GPR39: variants seen among roughly 807,000 people sequenced by gnomAD.
GPR39 encodes G protein-coupled receptor 39, also known as zinc sensing receptor.
GPR39 carries 23 observed loss-of-function variants against 18.4 expected under a neutral mutation model. The ratio of observed to expected loss-of-function variants is 1.25; its 90% CI spans 0.90 to 1.77. GPR39 has a LOEUF of 1.77. Ranked by LOEUF, GPR39 falls within the 40% of genes most tolerant of loss-of-function variation. GPR39 has a pLI of 0.00. For missense variants in GPR39, 647 were observed against 602.4 expected (o/e 1.07, Z -0.78); for synonymous variants, 280 against 257.9 (o/e 1.09, Z -0.82).
At chr2:132,569,819 A>C (rs531698074) in intron 1 of GPR39, among the ~76,000 whole-genome samples, 1 of 152,244 alleles carries the variant, frequency 6.6e-6, no homozygotes, top group African/African-American at 2.4e-5. Context: ...AGAGTGAATA[A>C]ATTTCATGAG....
At chr2:132,593,665 G>T (rs76521357) in intron 1 of GPR39, among the ~76,000 whole-genome samples, 1 of 152,130 alleles carries the variant, frequency 6.6e-6, no homozygotes, top group Non-Finnish European at 1.5e-5. Flanking sequence ...GGGGAGCCTG[G>T]GAGTGTATTT....
intron 1 of GPR39, among the ~76,000 whole-genome samples, chr2:132,511,210 A>G (rs1013314665): frequency 6.6e-6 from 1 of 152,214 alleles, no homozygotes; most frequent in African/African-American, 2.4e-5. Flanking sequence ...GCATTTTCAT[A>G]TAGATTCAGT....
At chr2:132,505,685 G>C (rs777062536) in intron 1 of GPR39, among the ~76,000 whole-genome samples, 1 of 152,052 alleles carries the variant, frequency 6.6e-6, no homozygotes, top group African/African-American at 2.4e-5. Flanking sequence ...ATTTCACTTA[G>C]TATAATGAAC....
intron 1 of GPR39, among the ~76,000 whole-genome samples, chr2:132,532,178 A>G (rs984051075): frequency 6.6e-6 from 1 of 152,266 alleles, no homozygotes; most frequent in Non-Finnish European, 1.5e-5. Context: ...CACCAATCCC[A>G]CAGAAATACA....
chr2:132,433,005 T>C (rs2104760050), intron 1 of GPR39, among the ~76,000 whole-genome samples: 1 of 152,318 alleles, frequency 6.6e-6, no homozygotes, highest in African/African-American at 2.4e-5. Context: ...CATGATTTTT[T>C]CCCAATAAAC....
chr2:132,435,102 GAAAGT>G lies in GPR39; in HGVS notation c.856+17209_856+17213del, dbSNP rs1680288485. Among the ~76,000 whole-genome samples the G allele has an allele frequency of 2.0e-5, 3 of 152,242 alleles. No homozygotes were observed. In the South Asian group the frequency reaches 6.2e-4, roughly 32 times the overall value. ...ATTCTATGATACAGACACAGACACT[GAAAGT>G]AAAGCAAACGGTGAAAGAAGGGCTG... is the stretch of plus-strand genomic sequence containing the variant. On this transcript the variant is annotated intron_variant, in intron 1 of 1. Coordinates refer to ENST00000329321, the MANE Select transcript of GPR39 (RefSeq NM_001508.3).
intron 1 of GPR39, among the ~76,000 whole-genome samples, chr2:132,472,880 C>G (rs1382500581): frequency 6.6e-6 from 1 of 151,958 alleles, no homozygotes; most frequent in African/African-American, 2.4e-5. Context: ...CACAAGGGAG[C>G]TATTTTTTCA....
At chr2:132,460,288 G>GT (rs1201650834) in intron 1 of GPR39, among the ~76,000 whole-genome samples, 4 of 152,084 alleles carry the variant, frequency 2.6e-5, no homozygotes, top group Non-Finnish European at 5.9e-5. Flanking sequence ...TTCCTGAATG[G>GT]CTGTACCATT....
chr2:132,593,181 C>T (rs976884357), intron 1 of GPR39, among the ~76,000 whole-genome samples: 1 of 152,140 alleles, frequency 6.6e-6, no homozygotes, highest in African/African-American at 2.4e-5. Context: ...CTCCAAGGGT[C>T]GTGGCAACTG....
intron 1 of GPR39, among the ~76,000 whole-genome samples, chr2:132,607,249 C>T (rs373898195): frequency 6.6e-6 from 1 of 152,140 alleles, no homozygotes; most frequent in South Asian, 2.1e-4. Context: ...AAAAGTAATT[C>T]TAGCTTGTCC....
chr2:132,568,503 C>T (rs1251819480), intron 1 of GPR39, among the ~76,000 whole-genome samples: 4 of 151,946 alleles, frequency 2.6e-5, no homozygotes, highest in African/African-American at 7.3e-5. Flanking sequence ...GCCAGGAATT[C>T]GAAACCAGCC....
At chr2:132,552,794 A>ATGTG (rs1306614276) in intron 1 of GPR39, among the ~76,000 whole-genome samples, 1,258 of 108,178 alleles carry the variant, frequency 0.012, 19 homozygotes, top group African/African-American at 0.047. Context: ...CAATGTGTAT[A>ATGTG]TATGTGTGTG....
At chr2:132,456,768 G>A (rs1265840430) in intron 1 of GPR39, among the ~76,000 whole-genome samples, 2 of 152,112 alleles carry the variant, frequency 1.3e-5, no homozygotes, top group African/African-American at 2.4e-5. Flanking sequence ...GAAATTCTGG[G>A]TTGAAAATTC....
At position 132,416,895 on chromosome 2, in the gene GPR39, T is replaced by C; in HGVS notation, c.-148T>C. On this transcript the variant is annotated 5_prime_UTR_variant, in exon 1 of 2. Coordinates refer to ENST00000329321, the MANE Select transcript of GPR39 (RefSeq NM_001508.3). ...CAAGTTTCCATGAAAGCACCTGAAA[T>C]ACTAAGTTACCTTCGCGAGGAGAAC... 9.4e-7 allele frequency: 1 copy of C among 1,065,060 alleles called. No homozygotes were observed. Among genetic ancestry groups the C allele is most frequent in the Non-Finnish European group, 1.3e-6 (1 of 746,606 alleles). 66.0% of individuals were successfully genotyped at this position (1,065,060 alleles called of 1,614,324 possible).
At chr2:132,467,718 C>T (rs1377159100) in intron 1 of GPR39, among the ~76,000 whole-genome samples, 2 of 152,170 alleles carry the variant, frequency 1.3e-5, no homozygotes, top group Non-Finnish European at 2.9e-5. Context: ...TACTTTTACC[C>T]TAAGCTGTAT....
At chr2:132,474,360 T>C (rs140526900) in intron 1 of GPR39, among the ~76,000 whole-genome samples, 87 of 152,268 alleles carry the variant, frequency 5.7e-4, no homozygotes, top group African/African-American at 1.9e-3. Context: ...TTAGCACAGC[T>C]TGAGTAGGGG....
intron 1 of GPR39, among the ~76,000 whole-genome samples, chr2:132,499,915 T>G (rs964632074): frequency 6.6e-6 from 1 of 152,212 alleles, no homozygotes; most frequent in Non-Finnish European, 1.5e-5. Context: ...GAGCTACTGA[T>G]TTGTGTACAT....
intron 1 of GPR39, among the ~76,000 whole-genome samples, chr2:132,430,592 A>C (rs1349289502): frequency 6.6e-6 from 1 of 152,172 alleles, no homozygotes; most frequent in Non-Finnish European, 1.5e-5. Flanking sequence ...ACCATCAAGA[A>C]GGTATCAGCT....
chr2:132,447,879 G>T (rs1680565979), intron 1 of GPR39, among the ~76,000 whole-genome samples: 1 of 152,170 alleles, frequency 6.6e-6, no homozygotes, highest in African/African-American at 2.4e-5. Flanking sequence ...GTTGAGGAGA[G>T]AAAACTGAAT....
Sources: allele counts gnomAD v4.1 joint callset (sites outside exome capture counted in the v4.1 genomes callset), GRCh38; gene constraint gnomAD v4.1.1; transcripts MANE v1.5; gene names NCBI Gene and HGNC (gene_info 2026-07-23, HGNC 2026-07-21).